Variants in WDR4 observed in about 807,000 individuals in gnomAD.
WDR4 encodes WDR4 tRNA N7-guanosine methyltransferase non-catalytic subunit.
WDR4 carries 47 observed loss-of-function variants against 48.6 expected under a neutral mutation model. The ratio of observed to expected loss-of-function variants is 0.97; its 90% CI spans 0.77 to 1.23. The LOEUF is 1.23. Ranked by LOEUF, WDR4 falls within the 50% of genes most tolerant of loss-of-function variation. The pLI is 0.00. For missense variants in WDR4, 606 were observed against 551.6 expected, an observed-to-expected ratio of 1.10 and a Z score of -0.99; for synonymous variants, 268 against 230.0, an observed-to-expected ratio of 1.17 and a Z score of -1.49.
At position 42,862,902 on chromosome 21, in the gene WDR4, C is replaced by T. The variant is rs1033514084; in HGVS notation, c.454-508G>A. 7.9e-5 allele frequency among the ~76,000 whole-genome samples: 12 copies of T among 152,334 alleles called. No homozygotes were observed. Among genetic ancestry groups the T allele is most frequent in the South Asian group, 6.2e-4 (3 of 4,828 alleles). ...CTCCACCACCCGGGCTGTGGGCCTG[C>T]GCCCTCTGGGGCTCCAGGTGTGTGT... On this transcript the variant is annotated intron_variant, in intron 4 of 10. Coordinates refer to ENST00000398208, the MANE Select transcript of WDR4 (RefSeq NM_018669.6). The surrounding 1 kb of genome is among the most constrained non-coding windows in gnomAD (Gnocchi z 4.3).
At chr21:42,861,566 C>T (rs140109384) in intron 5 of WDR4, among the ~76,000 whole-genome samples, 2 of 152,208 alleles carry the variant, frequency 1.3e-5, no homozygotes, top group African/African-American at 4.8e-5. Context: ...GGCCAGAGAA[C>T]TCCAGAGCTG....
chr21:42,850,234 C>G lies in WDR4; in HGVS notation c.1054G>C (p.Gly352Arg), dbSNP rs774444155. Residue 352 changes from glycine to arginine, a missense_variant, in exon 11 of 11, where the codon GGC becomes CGC. Gly to Arg is a moderately radical substitution (Grantham distance 125). Coordinates refer to ENST00000398208, the MANE Select transcript of WDR4 (RefSeq NM_018669.6). ...GNWAMLEGSA[G>R]ADASFSSLYK... ...AGACTGCTGAAGCTGGCGTCTGCGC[C>G]GGCAGAGCCTGTGATGGGGGAACAA... 6 of 1,592,820 alleles carry G rather than the reference C, an allele frequency of 3.8e-6. No homozygotes were observed. In the East Asian group the frequency reaches 1.4e-4, roughly 36 times the overall value.
Position 42,879,248 on chromosome 21 carries a change from C to G in WDR4, c.89+159G>C, listed in dbSNP as rs1397595500. 5.9e-6 allele frequency: 8 copies of G among 1,344,580 alleles called. No individual in the cohort carries two copies. In the Admixed American group the frequency reaches 2.7e-4, roughly 45 times the overall value. 83.3% of individuals were successfully genotyped at this position (1,344,580 alleles called of 1,614,324 possible). A position where few individuals can be genotyped will look rare whatever the true frequency, so the allele number is the denominator to read the frequency against. On this transcript the variant is annotated intron_variant, in intron 1 of 10. Transcript: ENST00000398208. ...GACCCTCCAGGCGCAGAGACGCGGC[C>G]AGGCCGAGACTGCGGCGGAGGACTC... is the stretch of plus-strand genomic sequence containing the variant.
intron 3 of WDR4, among the ~76,000 whole-genome samples, chr21:42,872,813 T>C (rs111285200): frequency 0.017 from 2,650 of 152,148 alleles, 73 homozygotes; most frequent in African/African-American, 0.058. Flanking sequence ...GGCAAGTGCC[T>C]GTAATCCCAG....
chr21:42,863,794 C>G (rs1160074977), intron 3 of WDR4, among the ~76,000 whole-genome samples, 198 bp from the exon 4 acceptor site: 1 of 151,902 alleles, frequency 6.6e-6, no homozygotes, highest in East Asian at 1.9e-4. Flanking sequence ...AATTTACTTT[C>G]ACAACGTTTT....
At chr21:42,884,307 G>A (rs549950757), upstream of WDR4, among the ~76,000 whole-genome samples, 1 of 152,288 alleles carries the variant, frequency 6.6e-6, no homozygotes, top group Non-Finnish European at 1.5e-5. Flanking sequence ...CTGGCCAGGT[G>A]TGGTGGATTG....
intron 1 of WDR4, among the ~76,000 whole-genome samples, chr21:42,877,138 ATTTTT>A (rs35841350): frequency 1.2e-3 from 121 of 97,368 alleles, no homozygotes; most frequent in Non-Finnish European, 1.9e-3. Flanking sequence ...CCTGGCCCTA[ATTTTT>A]TTTTTTTTTT....
At position 42,877,677 on chromosome 21, in the gene WDR4, A is replaced by C. The variant is rs533413086; in HGVS notation, c.90-910T>G. ...TGGGAAAAAAAAGTTCAGTAAAACA[A>C]ATGAGGGATAAATACTCAACAGGAA... On this transcript the variant is annotated intron_variant, in intron 1 of 10. Coordinates refer to ENST00000398208, the MANE Select transcript of WDR4 (RefSeq NM_018669.6). Among the ~76,000 whole-genome samples the C allele has an allele frequency of 4.6e-5, 7 of 151,898 alleles. No homozygotes were observed. In the South Asian group the frequency reaches 8.3e-4, roughly 18 times the overall value.
At position 42,863,529 on chromosome 21, in the gene WDR4, T is replaced by G. The variant is rs145019634; in HGVS notation, c.364A>C (p.Lys122Gln). ...ASEEKVLVAD[K>Q]SGDVYSFSVL... Reference sequence around the variant, plus strand: ...GAAAAGGAGTAGACGTCTCCAGACTTGTCGGCCACCAAGACCTTCTCCTCC... The same window carrying G: ...GAAAAGGAGTAGACGTCTCCAGACTGGTCGGCCACCAAGACCTTCTCCTCC... Residue 122 changes from lysine to glutamine, a missense_variant, in exon 4 of 11, where the codon AAG (lysine) becomes CAG (glutamine). Physicochemically the swap from Lys to Gln is moderately conservative, Grantham distance 53. Transcript: ENST00000398208. 8 of 1,613,796 alleles carry G rather than the reference T, an allele frequency of 5.0e-6. No homozygotes were observed. Among genetic ancestry groups the G allele is most frequent in the Non-Finnish European group, 6.8e-6 (8 of 1,179,984 alleles).
chr21:42,844,284 G>A (rs1182843519), downstream of WDR4, among the ~76,000 whole-genome samples: 1 of 152,034 alleles, frequency 6.6e-6, no homozygotes, highest in Non-Finnish European at 1.5e-5. Flanking sequence ...TACAAATCTT[G>A]ACAAACCCCC....
At chr21:42,872,610 CA>C (rs536689165) in intron 3 of WDR4, among the ~76,000 whole-genome samples, 1,203 of 78,582 alleles carry the variant, frequency 0.015, 13 homozygotes, top group African/African-American at 0.043. Context: ...GACCCTTCTC[CA>C]AAAAAAAAAA....
chr21:42,887,310 T>A, the WDR4 span, among the ~76,000 whole-genome samples: 114 of 148,732 alleles, frequency 7.7e-4, no homozygotes, highest in African/African-American at 2.7e-3. Context: ...TTTTTTTTTT[T>A]TTTTATTTTA....
Position 42,876,218 on chromosome 21 carries a change from C to CTTTTTTTTTTTTTTTTTTTTTT in WDR4, c.155+483_155+484insAAAAAAAAAAAAAAAAAAAAAA, listed in dbSNP as rs373181618. Among the ~76,000 whole-genome samples, 8 of 105,858 alleles carry CTTTTTTTTTTTTTTTTTTTTTT rather than the reference C, an allele frequency of 7.6e-5. 1 individual carries two copies. The highest frequency in any genetic ancestry group is 2.0e-4 in the African/African-American group (5 of 25,596). The allele number at this position is 105,858 out of a possible 152,430, so 69.4% of individuals were successfully genotyped here. A position where few individuals can be genotyped will look rare whatever the true frequency, so the allele number is the denominator to read the frequency against. ...CCGCACCCGGCACTAACACTGTACT[C>CTTTTTTTTTTTTTTTTTTTTTT]TTTTTTTTTTTGGGAGACAGAGTCT... is the stretch of plus-strand genomic sequence containing the variant. On this transcript the variant is annotated intron_variant, in intron 2 of 10. Transcript: ENST00000398208.
chr21:42,843,644 G>GCTCACTGCAACCTCCGCCTCCCAGGTTCA (rs2057685676), intron 11 of WDR4, among the ~76,000 whole-genome samples: 1 of 151,872 alleles, frequency 6.6e-6, no homozygotes, highest in African/African-American at 2.4e-5. Context: ...CGCGATCTCG[G>GCTCACTGCAACCTCCGCCTCCCAGGTTCA]CTCACTGCAA....
chr21:42,879,218 A>G (rs1480800237), intron 1 of WDR4, 189 bp downstream of exon 1: 8 of 1,305,638 alleles, frequency 6.1e-6, no homozygotes, highest in Non-Finnish European at 6.8e-6. Flanking sequence ...CGGACGGCGA[A>G]AGCGGACCCT....
At chr21:42,855,230 T>TGGCAGGG (rs1368360525) in intron 7 of WDR4, among the ~76,000 whole-genome samples, 1 of 152,208 alleles carries the variant, frequency 6.6e-6, no homozygotes, top group Admixed American at 6.5e-5. Flanking sequence ...CACAGCTGCC[T>TGGCAGGG]GGCAGGGGGC....
rs759653974 is a variant in WDR4, at chr21:42,854,567, G to A, written c.786C>T (p.Cys262=). Residue 262 remains cysteine, a synonymous_variant, in exon 8 of 11, where the codon TGC becomes TGT. Transcript: ENST00000398208. ...GAGGTGCCGCCGCAGCTTACCCGTC[G>A]CACAGGAGCGCCACGCAGTTCTCCT... ...WCQENCVALL[C]DGTPVVYIFQ... is the part of the protein sequence containing the mutation. 9.3e-6 allele frequency: 15 copies of A among 1,613,064 alleles called. No individual in the cohort carries two copies. The highest frequency in any genetic ancestry group is 5.0e-5 in the Admixed American group (3 of 59,846).
chr21:42,876,585 C>T, intron 2 of WDR4, 117 bp downstream of exon 2: 1 of 951,360 alleles, frequency 1.1e-6, no homozygotes, highest in Non-Finnish European at 1.6e-6. Flanking sequence ...CTTATCTGCA[C>T]CACTGTGTGA....
chr21:42,885,390 C>T, the WDR4 span, among the ~76,000 whole-genome samples: 9 of 152,172 alleles, frequency 5.9e-5, no homozygotes, highest in African/African-American at 2.2e-4. Flanking sequence ...GCAGGCAGAC[C>T]ACCTAAGGTC....
Sources: allele counts gnomAD v4.1 joint callset (sites outside exome capture counted in the v4.1 genomes callset), GRCh38; gene constraint gnomAD v4.1.1; non-coding constraint Gnocchi (gnomAD v3.1); transcripts MANE v1.5; gene names NCBI Gene and HGNC (gene_info 2026-07-23, HGNC 2026-07-21).